Variants in CSMD2 observed in about 807,000 individuals in gnomAD.
CSMD2 encodes the protein CUB and Sushi multiple domains 2.
A neutral mutation model predicts 398.5 loss-of-function variants in CSMD2; 130 were observed. The ratio of observed to expected loss-of-function variants is 0.33; its 90% CI spans 0.28 to 0.38. The LOEUF is 0.38. Among genes scored for constraint, CSMD2 ranks in the 10% least tolerant of loss-of-function variants. CSMD2 has a pLI of 1.00. For missense variants in CSMD2, 3,829 were observed against 4,764.9 expected (o/e 0.80, Z 5.78); for synonymous variants, 1,828 against 1,908.5 (o/e 0.96, Z 1.10).
At chr1:33,600,805 C>T in intron 44 of CSMD2, 60 bp downstream of exon 44, 1 of 1,582,354 alleles carries the variant, frequency 6.3e-7, no homozygotes, top group Admixed American at 1.7e-5. Flanking sequence ...AGACGGGAGT[C>T]AAGCTCAGCC....
intron 13 of CSMD2, among the ~76,000 whole-genome samples, chr1:33,752,995 C>T (rs990809036): frequency 3.3e-5 from 5 of 152,182 alleles, no homozygotes. Context: ...ATGGCTGCTT[C>T]TAACAGCTCA....
chr1:33,759,082 G>A (rs1472833684), intron 13 of CSMD2, among the ~76,000 whole-genome samples: 1 of 152,128 alleles, frequency 6.6e-6, no homozygotes, highest in Non-Finnish European at 1.5e-5. Flanking sequence ...AGGGTATGAA[G>A]GAAATAAAAA....
chr1:34,060,946 G>A (rs796283342), intron 2 of CSMD2, among the ~76,000 whole-genome samples: 6 of 152,104 alleles, frequency 3.9e-5, no homozygotes, highest in African/African-American at 1.4e-4. Context: ...TATCCCCTGG[G>A]TCAGAAAAGT....
intron 10 of CSMD2, among the ~76,000 whole-genome samples, chr1:33,798,529 C>T (rs775266485): frequency 4.6e-5 from 7 of 152,140 alleles, no homozygotes; most frequent in Non-Finnish European, 1.0e-4. Flanking sequence ...GTGGGCTCAG[C>T]CCAGGCTACA....
intron 5 of CSMD2, among the ~76,000 whole-genome samples, chr1:33,886,129 A>G (rs562012830): frequency 1.3e-5 from 2 of 152,320 alleles, no homozygotes; most frequent in South Asian, 4.1e-4. Context: ...GGAATGTACA[A>G]CTTAGGAGAG....
chr1:33,741,958 C>T (rs527907645), intron 14 of CSMD2, among the ~76,000 whole-genome samples: 4 of 152,346 alleles, frequency 2.6e-5, no homozygotes, highest in African/African-American at 9.6e-5. Context: ...CCTTCCATTC[C>T]GTAAACATTT....
chr1:34,101,129 A>G (rs973220453), intron 1 of CSMD2, among the ~76,000 whole-genome samples: 2 of 152,232 alleles, frequency 1.3e-5, no homozygotes, highest in African/African-American at 4.8e-5. Flanking sequence ...AATTTCTTTC[A>G]AGAAAAAGTC....
chr1:33,928,580 C>T (rs990998864), intron 4 of CSMD2, among the ~76,000 whole-genome samples: 3 of 152,214 alleles, frequency 2.0e-5, no homozygotes, highest in African/African-American at 7.2e-5. Flanking sequence ...TGGTCCCAAG[C>T]CACTCAGCCA....
At chr1:33,932,647 T>C (rs1318816321) in intron 4 of CSMD2, among the ~76,000 whole-genome samples, 1 of 152,134 alleles carries the variant, frequency 6.6e-6, no homozygotes, top group African/African-American at 2.4e-5. Context: ...TGATTGGACA[T>C]GAAGACATCC....
At chr1:34,034,261 A>T (rs1166249925) in intron 2 of CSMD2, among the ~76,000 whole-genome samples, 1 of 152,034 alleles carries the variant, frequency 6.6e-6, no homozygotes, top group African/African-American at 2.4e-5. Flanking sequence ...CCACCTACCC[A>T]CTAGCCACAG....
Position 34,006,287 on chromosome 1 carries a change from TG to T in CSMD2, c.517+26306del, listed in dbSNP as rs200526868. ...AGAGATTAATATCTTGCCTAGAGGA[TG>T]GGGATGCTGTACGTTGCACCTGGAG... On this transcript the variant is annotated intron_variant, in intron 3 of 70. Transcript: ENST00000373381. 5.9e-4 allele frequency among the ~76,000 whole-genome samples: 90 copies of T among 152,242 alleles called. 1 individual carries two copies. The highest frequency in any genetic ancestry group is 1.8e-3 in the African/African-American group (74 of 41,532).
intron 3 of CSMD2, among the ~76,000 whole-genome samples, chr1:34,032,143 G>A (rs115846028): frequency 5.6e-4 from 85 of 152,222 alleles, no homozygotes; most frequent in African/African-American, 1.9e-3. Flanking sequence ...AGGAAAAATC[G>A]ATTGTTCTTC....
At chr1:33,969,005 T>A (rs1195167402) in intron 3 of CSMD2, among the ~76,000 whole-genome samples, 1 of 152,226 alleles carries the variant, frequency 6.6e-6, no homozygotes, top group Non-Finnish European at 1.5e-5. Flanking sequence ...GGACACATCC[T>A]GTCTGTTCTC....
intron 1 of CSMD2, among the ~76,000 whole-genome samples, chr1:34,121,227 A>G (rs1054882502): frequency 6.6e-6 from 1 of 152,188 alleles, no homozygotes; most frequent in Admixed American, 6.5e-5. Context: ...GGGAAGATAG[A>G]AAAGAGGAGA....
chr1:34,160,105 G>T (rs1436601011), intron 1 of CSMD2, among the ~76,000 whole-genome samples: 1 of 152,164 alleles, frequency 6.6e-6, no homozygotes, highest in Non-Finnish European at 1.5e-5. Context: ...TGAGGGTGAA[G>T]GGGGTGCTGC....
At chr1:33,826,509 C>G (rs1425256917) in intron 6 of CSMD2, among the ~76,000 whole-genome samples, 5 of 152,212 alleles carry the variant, frequency 3.3e-5, no homozygotes, top group African/African-American at 1.2e-4. Context: ...AAGCCAAGCC[C>G]AGCCTACATA....
At chr1:33,620,806 CTTTTTTTTTTTTT>C (rs34986869) in intron 37 of CSMD2, among the ~76,000 whole-genome samples, 8 of 91,946 alleles carry the variant, frequency 8.7e-5, no homozygotes, top group South Asian at 3.9e-4. Context: ...TGTCCTGGGT[CTTTTTTTTTTTTT>C]TTTTTTTTTT....
At chr1:33,746,076 A>G (rs1372277) in intron 13 of CSMD2, among the ~76,000 whole-genome samples, 8,767 of 152,176 alleles carry the variant, frequency 0.058, 346 homozygotes, top group Admixed American at 0.11. Context: ...GTATGAGAAT[A>G]ACACTTCCCC....
At chr1:33,593,615 C>T (rs975507230) in intron 44 of CSMD2, among the ~76,000 whole-genome samples, 22 of 152,142 alleles carry the variant, frequency 1.4e-4, no homozygotes, top group Non-Finnish European at 3.1e-4. Context: ...CAGGTTCTTC[C>T]CACAACATGG....
Sources: gnomAD v4.1 joint callset for allele counts (sites outside exome capture counted in the v4.1 genomes callset) on GRCh38, gnomAD v4.1.1 for gene constraint, MANE v1.5 for transcripts, NCBI Gene and HGNC (gene_info 2026-07-23, HGNC 2026-07-21) for gene names.